Variants in FBXL5 observed in about 807,000 individuals in gnomAD.
The protein encoded by FBXL5 is F-box and leucine rich repeat protein 5.
In FBXL5, 26 loss-of-function variants were observed where a neutral mutation model predicts 78.3. That is an observed-to-expected ratio of 0.33 (90% CI 0.24 to 0.46). FBXL5 has a LOEUF of 0.46. Among genes scored for constraint, FBXL5 ranks in the 20% least tolerant of loss-of-function variants. The pLI is 1.00. For synonymous variants in FBXL5, 295 were observed against 282.5 expected, an observed-to-expected ratio of 1.04 and a Z score of -0.45; for missense variants, 710 against 829.2, an observed-to-expected ratio of 0.86 and a Z score of 1.77.
chr4:15,678,944 T>A (rs1344637609), intron 1 of FBXL5, among the ~76,000 whole-genome samples: 1 of 152,198 alleles, frequency 6.6e-6, no homozygotes, highest in Non-Finnish European at 1.5e-5. Flanking sequence ...AAAAAACTTT[T>A]ACTGGTCAGC....
intron 1 of FBXL5, among the ~76,000 whole-genome samples, chr4:15,673,082 G>T (rs1267345507): frequency 1.3e-5 from 2 of 152,080 alleles, no homozygotes; most frequent in Non-Finnish European, 2.9e-5. Flanking sequence ...ATACTTTGAA[G>T]GATCTGTCTG....
intron 9 of FBXL5, among the ~76,000 whole-genome samples, chr4:15,624,433 A>T (rs578137892): frequency 6.6e-6 from 1 of 152,224 alleles, no homozygotes; most frequent in East Asian, 1.9e-4. Flanking sequence ...CAAGTCTGCC[A>T]TGCTCCCAAG....
chr4:15,658,075 A>G (rs1013559614), upstream of FBXL5, among the ~76,000 whole-genome samples: 4 of 152,226 alleles, frequency 2.6e-5, no homozygotes, highest in Non-Finnish European at 5.9e-5. Context: ...TCTGTTATCA[A>G]TAGGCCTCTT....
At chr4:15,649,821 T>G (rs762908049) in intron 1 of FBXL5, among the ~76,000 whole-genome samples, 38 of 152,066 alleles carry the variant, frequency 2.5e-4, no homozygotes, top group Non-Finnish European at 4.9e-4. Flanking sequence ...AAAGTAGATA[T>G]CAAAATCCTC....
chr4:15,630,874 A>C, intron 5 of FBXL5, 83 bp from the exon 6 acceptor site: 1 of 1,533,994 alleles, frequency 6.5e-7, no homozygotes. Context: ...TTTACGATAA[A>C]AATCTCTACA....
upstream of FBXL5, among the ~76,000 whole-genome samples, chr4:15,662,365 T>G (rs1301231582): frequency 1.3e-5 from 2 of 152,214 alleles, no homozygotes; most frequent in African/African-American, 4.8e-5. Context: ...ATTCTGAGTT[T>G]CTAGGTCCTC....
intron 5 of FBXL5, among the ~76,000 whole-genome samples, chr4:15,631,760 G>A (rs1713691692): frequency 6.7e-6 from 1 of 149,294 alleles, no homozygotes; most frequent in Non-Finnish European, 1.5e-5. Flanking sequence ...GTTTTTGATG[G>A]GGTTGTTTTT....
chr4:15,624,596 A>G (rs1237358980), intron 9 of FBXL5, among the ~76,000 whole-genome samples: 1 of 146,470 alleles, frequency 6.8e-6, no homozygotes, highest in African/African-American at 2.5e-5. Context: ...TTCCTCTAGG[A>G]GGTTAAAAAA....
chr4:15,651,587 A>C (rs1716055027), intron 1 of FBXL5, among the ~76,000 whole-genome samples: 1 of 152,130 alleles, frequency 6.6e-6, no homozygotes, highest in African/African-American at 2.4e-5. Context: ...AAAATGGCGG[A>C]GGGGGGAAGG....
rs191757447 is a variant in FBXL5, at chr4:15,632,231, T to C, written c.767-1440A>G. ...GTGAAAGAAGATGGTTGTAGATGTG[T>C]GGTGTCATTTCTGAGGCCTCTGTTC... On this transcript the variant is annotated intron_variant, in intron 5 of 10. Transcript: ENST00000341285. Among the ~76,000 whole-genome samples the C allele has an allele frequency of 3.3e-4, 50 of 152,234 alleles. 1 individual carries two copies. The East Asian group carries it at 8.3e-3, about 25-fold the overall frequency.
At chr4:15,669,559 T>C (rs1172003671) in intron 1 of FBXL5, among the ~76,000 whole-genome samples, 3 of 152,072 alleles carry the variant, frequency 2.0e-5, no homozygotes, top group Non-Finnish European at 4.4e-5. Flanking sequence ...TGATAAAAAA[T>C]TTCAAACAAA....
intron 10 of FBXL5, among the ~76,000 whole-genome samples, chr4:15,608,138 A>G (rs918431607): frequency 6.6e-6 from 1 of 152,138 alleles, no homozygotes; most frequent in Admixed American, 6.5e-5. Context: ...ATTTTTTTAA[A>G]AGGACAGAAA....
At chr4:15,618,960 C>T (rs540942028) in intron 9 of FBXL5, among the ~76,000 whole-genome samples, 1 of 117,002 alleles carries the variant, frequency 8.5e-6, no homozygotes, top group Non-Finnish European at 1.8e-5. Flanking sequence ...TTGAGACCAG[C>T]CTAAGCAACA....
intron 1 of FBXL5, among the ~76,000 whole-genome samples, chr4:15,673,362 G>A (rs1347028531): frequency 6.6e-6 from 1 of 151,996 alleles, no homozygotes. Flanking sequence ...GATCACCAGA[G>A]CCCAGAAGGT....
At chr4:15,640,392 T>TGA (rs1714726977) in intron 3 of FBXL5, among the ~76,000 whole-genome samples, 1 of 19,246 alleles carries the variant, frequency 5.2e-5, no homozygotes, top group Admixed American at 7.5e-4. Context: ...ACTACACTAC[T>TGA]GAAAAAAAAA....
At chr4:15,666,230 C>A (rs1717539167) in intron 1 of FBXL5, among the ~76,000 whole-genome samples, 1 of 151,866 alleles carries the variant, frequency 6.6e-6, no homozygotes, top group South Asian at 2.1e-4. Context: ...TAGACTCCAC[C>A]ACCACAAAAA....
At chr4:15,626,003 A>C (rs1168705043) in intron 8 of FBXL5, 26 bp from the exon 9 acceptor site, 1 of 1,512,778 alleles carries the variant, frequency 6.6e-7, no homozygotes, top group Non-Finnish European at 8.8e-7. Context: ...AAGACTATTA[A>C]TGAATATTGT....
intron 7 of FBXL5, among the ~76,000 whole-genome samples, chr4:15,627,384 C>G (rs986741732): frequency 1.3e-5 from 2 of 152,072 alleles, no homozygotes; most frequent in East Asian, 3.9e-4. Context: ...CCACCCACCT[C>G]GGTCTCCCAA....
chr4:15,650,006 T>C (rs375916699), intron 1 of FBXL5, among the ~76,000 whole-genome samples: 1 of 152,142 alleles, frequency 6.6e-6, no homozygotes, highest in African/African-American at 2.4e-5. Flanking sequence ...GAGTAAATTG[T>C]CAGAAAGAAC....
Sources: allele counts gnomAD v4.1 joint callset (sites outside exome capture counted in the v4.1 genomes callset), GRCh38; gene constraint gnomAD v4.1.1; transcripts MANE v1.5; gene names NCBI Gene and HGNC (gene_info 2026-07-23, HGNC 2026-07-21).